ARFGEF3: variants seen among roughly 807,000 people sequenced by gnomAD.
ARFGEF3 encodes brefeldin A-inhibited guanine nucleotide-exchange protein 3.
Under a neutral mutation model 221.7 loss-of-function variants are expected in ARFGEF3, and 96 were observed. That is an observed-to-expected ratio of 0.43 (90% CI 0.37 to 0.51). The LOEUF is 0.51. Among genes scored for constraint, ARFGEF3 ranks in the 20% least tolerant of loss-of-function variants. The pLI is 0.00. For missense variants in ARFGEF3, 2,410 were observed against 2,789.9 expected, an observed-to-expected ratio of 0.86 and a Z score of 3.07; for synonymous variants, 1,145 against 1,126.8, an observed-to-expected ratio of 1.02 and a Z score of -0.32.
intron 26 of ARFGEF3, among the ~76,000 whole-genome samples, chr6:138,315,200 T>G (rs983205784): frequency 1.3e-5 from 2 of 152,244 alleles, no homozygotes; most frequent in African/African-American, 4.8e-5. Context: ...AGACTCTATT[T>G]GTGACTGTTG....
Position 138,269,743 on chromosome 6 carries a change from G to A in ARFGEF3, c.2128+6132G>A, listed in dbSNP as rs557214747. ...AATCGCTTGAACCCAGGAGGCGGAG[G>A]TGGCGGTGAGCTGAGATCGTGCCAC... On this transcript the variant is annotated intron_variant, in intron 12 of 33. Transcript: ENST00000251691. 1.3e-4 allele frequency among the ~76,000 whole-genome samples: 20 copies of A among 152,234 alleles called. 1 individual carries two copies. The East Asian group carries it at 1.4e-3, about 10-fold the overall frequency.
In ARFGEF3 at chr6:138,218,617, T is replaced by C. The variant is rs1329304245; in HGVS notation, c.351+8576T>C. ...TTATTCCAGAAGAGCTCTGTAATTA[T>C]TGTTTCAGATGTAGAGAATCAGGTT... On this transcript the variant is annotated intron_variant, in intron 4 of 33. Coordinates refer to ENST00000251691, the MANE Select transcript of ARFGEF3 (RefSeq NM_020340.5). The C allele has an allele frequency of 4.8e-6, 4 of 832,420 alleles. No individual in the cohort carries two copies. In the East Asian group the frequency reaches 1.3e-4, roughly 28 times the overall value. 51.6% of individuals were successfully genotyped at this position (832,420 alleles called of 1,614,324 possible). A position where few individuals can be genotyped will look rare whatever the true frequency, so the allele number is the denominator to read the frequency against.
chr6:138,217,849 A>G, intron 4 of ARFGEF3: 4 of 1,243,742 alleles, frequency 3.2e-6, no homozygotes, highest in Non-Finnish European at 4.3e-6. Context: ...AACCTCCTAC[A>G]TCATCAAATT....
At chr6:138,179,150 G>T (rs1582997038) in intron 2 of ARFGEF3, among the ~76,000 whole-genome samples, 1 of 152,176 alleles carries the variant, frequency 6.6e-6, no homozygotes, top group African/African-American at 2.4e-5. Context: ...TGTTCTAAAG[G>T]ACTGAAGAAC....
intron 2 of ARFGEF3, among the ~76,000 whole-genome samples, chr6:138,203,887 C>T (rs1231530272): frequency 6.6e-6 from 1 of 151,988 alleles, no homozygotes; most frequent in Non-Finnish European, 1.5e-5. Context: ...GTGATCCGCC[C>T]TCCTTGGACT....
chr6:138,186,615 C>A (rs2114458921), intron 2 of ARFGEF3, among the ~76,000 whole-genome samples: 1 of 152,328 alleles, frequency 6.6e-6, no homozygotes, highest in South Asian at 2.1e-4. Context: ...CTACTTGGAG[C>A]TGACCATGCT....
chr6:138,183,881 G>T (rs78398401), intron 2 of ARFGEF3, among the ~76,000 whole-genome samples: 1 of 152,148 alleles, frequency 6.6e-6, no homozygotes, highest in Non-Finnish European at 1.5e-5. Flanking sequence ...CACAGAAGTG[G>T]CCTCAACCTC....
At position 138,334,680 on chromosome 6, in the gene ARFGEF3, C is replaced by G. The variant is rs765763924; in HGVS notation, c.5834C>G (p.Ser1945Cys). 2.7e-5 allele frequency: 43 copies of G among 1,612,078 alleles called. No individual in the cohort carries two copies. Among genetic ancestry groups the G allele is most frequent in the Non-Finnish European group, 3.6e-5 (42 of 1,178,544 alleles). ...TTCTTCATCCTGCCCTCCTTCCAGT[C>G]CGAGTCATCCACCCCATCCACCGGG... ...DPFFILPSFQ[S>C]ESSTPSTGGF... Residue 1945 changes from serine to cysteine, a missense_variant, in exon 33 of 34, where the codon TCC becomes TGC. Physicochemically the swap from Ser to Cys is moderately radical, Grantham distance 112. This residue lies in a region of ARFGEF3 where 339 missense variants were observed against 334.9 expected (regional missense o/e 1.01). Coordinates refer to ENST00000251691, the MANE Select transcript of ARFGEF3 (RefSeq NM_020340.5). The surrounding 1 kb of genome is among the most constrained non-coding windows in gnomAD (Gnocchi z 5.1).
intron 2 of ARFGEF3, among the ~76,000 whole-genome samples, chr6:138,171,948 C>T (rs926531908): frequency 2.6e-5 from 4 of 152,172 alleles, no homozygotes; most frequent in Admixed American, 2.6e-4. Context: ...GTATATTGGA[C>T]TATAACCCTT....
rs1230932283 is a variant in ARFGEF3, at chr6:138,319,831, C to CT, written c.4604dup (p.Ser1536ValfsTer3). On this transcript the variant is annotated frameshift_variant, in exon 28 of 34. Transcript: ENST00000251691. LOFTEE classifies it high-confidence loss of function. ...TGCCAATTTCAAGCACGCTATTGGT[C>CT]TGTCCTGTGAGCTGGTGGTGGAGCA... The CT allele has an allele frequency of 6.2e-7, 1 of 1,614,052 alleles. No individual in the cohort carries two copies. The highest frequency in any genetic ancestry group is 1.7e-5 in the Admixed American group (1 of 60,032).
Position 138,176,580 on chromosome 6 carries a change from G to T in ARFGEF3, c.137+5867G>T, listed in dbSNP as rs79584839. Among the ~76,000 whole-genome samples, 449 of 151,930 alleles carry T rather than the reference G, an allele frequency of 3.0e-3. 4 individuals carry two copies. Among genetic ancestry groups the T allele is most frequent in the Middle Eastern group, 0.027 (8 of 294 alleles). On this transcript the variant is annotated intron_variant, in intron 2 of 33. Coordinates refer to ENST00000251691, the MANE Select transcript of ARFGEF3 (RefSeq NM_020340.5). ...GGTTAATATTGGTATGTGAGGTTTT[G>T]TTCCTGTCACGTTGTCATTTAGATT...
chr6:138,177,025 C>T (rs533284277), intron 2 of ARFGEF3, among the ~76,000 whole-genome samples: 1 of 151,318 alleles, frequency 6.6e-6, no homozygotes, highest in African/African-American at 2.4e-5. Context: ...AGATGCTTTT[C>T]TCTTGCTGAT....
rs75595819 is a variant in ARFGEF3 at position 138,253,788 on chromosome 6, C to T, written c.666-92C>T. 3.2e-3 allele frequency: 3,141 copies of T among 976,814 alleles called. 68 individuals carry two copies. The African/African-American group carries it at 0.044, about 14-fold the overall frequency. The allele number at this position is 976,814 out of a possible 1,614,324, so 60.5% of individuals were successfully genotyped here. ...CCCTAAAACTAGCACTTTAGTAACGCCTACCATTTTTCCGAGCGTGTTTCC... is the reference window on the plus strand; with the variant it reads ...CCCTAAAACTAGCACTTTAGTAACGTCTACCATTTTTCCGAGCGTGTTTCC... On this transcript the variant is annotated intron_variant, in intron 8 of 33. Coordinates refer to ENST00000251691, the MANE Select transcript of ARFGEF3 (RefSeq NM_020340.5).
rs200522452 is a variant in ARFGEF3, at chr6:138,263,349, G to C, written c.1866G>C (p.Ser622=). Residue 622 remains serine, a synonymous_variant, in exon 12 of 34, where the codon TCG becomes TCC. Coordinates refer to ENST00000251691, the MANE Select transcript of ARFGEF3 (RefSeq NM_020340.5). ...ACTCTATGGCAGCAGAAAAGGACTC[G>C]GGCAGGTCCGACGTGTCAGACATTG... ...DQYSMAAEKD[S]GRSDVSDIGS... The C allele has an allele frequency of 5.0e-6, 8 of 1,613,982 alleles. No homozygotes were observed. In the African/African-American group the frequency reaches 1.1e-4, roughly 22 times the overall value.
chr6:138,287,699 G>A (rs1194245702), intron 17 of ARFGEF3, among the ~76,000 whole-genome samples: 2 of 152,202 alleles, frequency 1.3e-5, no homozygotes, highest in Admixed American at 6.5e-5. Context: ...CGGTGAAGCT[G>A]ATGATTATCT....
chr6:138,191,497 A>G (rs1777304247), intron 2 of ARFGEF3, among the ~76,000 whole-genome samples: 1 of 152,064 alleles, frequency 6.6e-6, no homozygotes, highest in Admixed American at 6.6e-5. Flanking sequence ...CAGCATCATT[A>G]ATTCTCTCTA....
chr6:138,259,206 C>T (rs1347069262), intron 10 of ARFGEF3, among the ~76,000 whole-genome samples: 1 of 152,198 alleles, frequency 6.6e-6, no homozygotes, highest in Non-Finnish European at 1.5e-5. Flanking sequence ...CTTGTGCACA[C>T]AAAGAAAACC....
At position 138,334,488 on chromosome 6, in the gene ARFGEF3, G is replaced by C. The variant is rs747121589; in HGVS notation, c.5642G>C (p.Arg1881Pro). ...PPRGKEKRQW[R>P]ARMPLLSVQP... ...AGAGGCAAGGAGAAGAGACAGTGGC[G>C]GGCACGGATGCCCTTGCTCAGCGTC... The change falls in exon 33 of 34, where the codon CGG becomes CCG. Residue 1881 changes from arginine (R) to proline (P), a missense_variant. Physicochemically the swap from Arg to Pro is moderately radical, Grantham distance 103. Around this residue, in one of 5 missense-constraint regions of ARFGEF3, gnomAD observed 723 missense variants for 991.9 expected, o/e 0.73. Coordinates refer to ENST00000251691, the MANE Select transcript of ARFGEF3 (RefSeq NM_020340.5). This position sits in a 1 kb window ranked among gnomAD's most constrained non-coding sequence, Gnocchi z 5.1. The C allele has an allele frequency of 6.2e-7, 1 of 1,604,922 alleles. No homozygotes were observed. Among genetic ancestry groups the C allele is most frequent in the Non-Finnish European group, 8.5e-7 (1 of 1,175,748 alleles).
chr6:138,264,064 T>C (rs751278855), intron 12 of ARFGEF3, among the ~76,000 whole-genome samples: 8 of 152,238 alleles, frequency 5.3e-5, no homozygotes, highest in Non-Finnish European at 7.3e-5. Flanking sequence ...ATATTCTGAA[T>C]TCTAGTGAAC....
Sources: gnomAD v4.1 joint callset for allele counts (sites outside exome capture counted in the v4.1 genomes callset) on GRCh38, gnomAD v4.1.1 for gene constraint, gnomAD v4.1.1 regional missense constraint, Gnocchi (gnomAD v3.1) non-coding constraint, MANE v1.5 for transcripts, NCBI Gene and HGNC (gene_info 2026-07-23, HGNC 2026-07-21) for gene names.